The following DBNDD1 variants were observed in gnomAD, a reference collection of about 807,000 sequenced individuals.
DBNDD1 encodes the protein dysbindin domain-containing protein 1.
DBNDD1 carries 14 observed loss-of-function variants against 17.0 expected under a neutral mutation model. The observed-to-expected ratio is 0.82, with a 90% confidence interval of 0.54 to 1.29. The LOEUF is 1.29. DBNDD1 is among the 50% of genes most tolerant of loss of function. DBNDD1 has a pLI of 0.00. For missense variants in DBNDD1, 221 were observed against 216.2 expected, an observed-to-expected ratio of 1.02 and a Z score of -0.14; for synonymous variants, 105 against 102.0, an observed-to-expected ratio of 1.03 and a Z score of -0.18.
At chr16:90,006,541 G>T (rs747054110) in intron 3 of DBNDD1, 49 bp from the exon 4 acceptor site, 25 of 1,574,736 alleles carry the variant, frequency 1.6e-5, no homozygotes, top group Non-Finnish European at 2.1e-5. Flanking sequence ...AGGCCTGGGT[G>T]GATGCTGCGG....
intron 1 of DBNDD1, among the ~76,000 whole-genome samples, chr16:90,014,520 A>G (rs113885554): frequency 0.011 from 1,612 of 152,286 alleles, 34 homozygotes; most frequent in African/African-American, 0.037. Context: ...GGAGGTCCCA[A>G]GCAGGACCTC....
rs1323815632 is a variant in DBNDD1, at chr16:90,006,601, C to G, written c.320-109G>C. 3 of 1,379,596 alleles carry G rather than the reference C, an allele frequency of 2.2e-6. No individual in the cohort carries two copies. The African/African-American group carries it at 4.3e-5, about 20-fold the overall frequency. The allele number at this position is 1,379,596 out of a possible 1,614,324, so 85.5% of individuals were successfully genotyped here. The stretch of plus-strand genomic sequence containing the variant: ...GCGCCACTCCTGCCAATGCTCTGCA[C>G]CAGCCCCCTGCACCAGGCATGCACA... On this transcript the variant is annotated intron_variant, in intron 3 of 3. Transcript: ENST00000002501.
chr16:90,019,230 G>A lies in DBNDD1; in HGVS notation c.31+81C>T. On this transcript the variant is annotated intron_variant, in intron 1 of 3. Transcript: ENST00000002501. This position sits in a 1 kb window ranked among gnomAD's most constrained non-coding sequence, Gnocchi z 6.1. Reference sequence around the variant, plus strand: ...CTTCGCGACTCCCGGGAGCGGCGAAGGGTGAGCCCTGGGGGGAGGGGCTGC... The same window carrying A: ...CTTCGCGACTCCCGGGAGCGGCGAAAGGTGAGCCCTGGGGGGAGGGGCTGC... 1.4e-6 allele frequency: 1 copy of A among 717,876 alleles called. No homozygotes were observed. 44.5% of individuals were successfully genotyped at this position (717,876 alleles called of 1,614,324 possible).
At position 90,005,978 on chromosome 16, in the gene DBNDD1, C is replaced by G; in HGVS notation, c.*357G>C. On this transcript the variant is annotated 3_prime_UTR_variant, in exon 4 of 4. Coordinates refer to ENST00000002501, the MANE Select transcript of DBNDD1 (RefSeq NM_001042610.3). The stretch of plus-strand genomic sequence containing the variant: ...CACCCCAAGGCCGCCGTGGGCCACT[C>G]CATTCCTCAGCACGTTCCTGGCAGT... The G allele has an allele frequency of 4.6e-6, 1 of 215,362 alleles. No homozygotes were observed. The highest frequency in any genetic ancestry group is 9.7e-6 in the Non-Finnish European group (1 of 103,212). 13.3% of individuals were successfully genotyped at this position (215,362 alleles called of 1,614,324 possible). A position where few individuals can be genotyped will look rare whatever the true frequency, so the allele number is the denominator to read the frequency against.
At chr16:90,012,464 C>CTT (rs113580185) in intron 1 of DBNDD1, among the ~76,000 whole-genome samples, 2 of 145,578 alleles carry the variant, frequency 1.4e-5, no homozygotes, top group East Asian at 3.9e-4. Context: ...TCTCCTCTCT[C>CTT]TTTTTTTTTT....
chr16:90,011,736 C>G (rs900168610), intron 1 of DBNDD1: 1 of 448,410 alleles, frequency 2.2e-6, no homozygotes, highest in Admixed American at 2.4e-5. Flanking sequence ...GGTCAAGTTA[C>G]TGGTGTCCTG....
At chr16:90,008,962 C>G in intron 2 of DBNDD1, 38 bp from the exon 3 acceptor site, 1 of 1,516,090 alleles carries the variant, frequency 6.6e-7, no homozygotes, top group Non-Finnish European at 8.9e-7. Flanking sequence ...CTCAGGCCCT[C>G]CCACAAGGCT....
chr16:90,006,388 G>A lies in DBNDD1; in HGVS notation c.424C>T (p.Gln142Ter), dbSNP rs1432857002. ...EKQPLGDPER[Q>*]ATVLDTFLTV... ...AGAAACGTGTCCAGGACTGTGGCCT[G>A]CCGCTCGGGGTCGCCTAGGGGCTGC... Residue 142 changes from glutamine (Q) to a stop codon, truncating the protein, a stop_gained, in exon 4 of 4, where the codon CAG (glutamine) becomes TAG (stop). Coordinates refer to ENST00000002501, the MANE Select transcript of DBNDD1 (RefSeq NM_001042610.3). LOFTEE classifies it high-confidence loss of function. The A allele has an allele frequency of 6.2e-7, 1 of 1,607,870 alleles. No homozygotes were observed. Among genetic ancestry groups the A allele is most frequent in the Non-Finnish European group, 8.5e-7 (1 of 1,179,706 alleles).
At chr16:90,014,134 TA>T (rs202122238) in intron 1 of DBNDD1, among the ~76,000 whole-genome samples, 167 of 149,350 alleles carry the variant, frequency 1.1e-3, no homozygotes, top group Admixed American at 1.6e-3. Flanking sequence ...TTATTATTAT[TA>T]TTTTTTTTTT....
rs573330736 is a variant in DBNDD1, at chr16:90,013,930, C to CG, written c.32-4501dup. Among the ~76,000 whole-genome samples, 193 of 107,924 alleles carry CG rather than the reference C, an allele frequency of 1.8e-3. 1 individual carries two copies. The highest frequency in any genetic ancestry group is 6.6e-3 in the African/African-American group (151 of 22,910). 70.8% of individuals were successfully genotyped at this position (107,924 alleles called of 152,430 possible). ...GGGAGCCGTGTGATACTGGGTGGGG[C>CG]GGGGGGGGACATGCATAAAGGCCTG... On this transcript the variant is annotated intron_variant, in intron 1 of 3. Coordinates refer to ENST00000002501, the MANE Select transcript of DBNDD1 (RefSeq NM_001042610.3).
At chr16:90,010,940 C>A (rs980821216) in intron 1 of DBNDD1, among the ~76,000 whole-genome samples, 6 of 152,242 alleles carry the variant, frequency 3.9e-5, no homozygotes, top group Admixed American at 1.3e-4. Context: ...TTCCTTCCCC[C>A]CACCCATTGC....
chr16:90,014,718 C>T (rs2035610565), intron 1 of DBNDD1, among the ~76,000 whole-genome samples: 1 of 152,054 alleles, frequency 6.6e-6, no homozygotes, highest in Non-Finnish European at 1.5e-5. Flanking sequence ...AAGAAGTATC[C>T]TTTCGGCCGG....
intron 1 of DBNDD1, among the ~76,000 whole-genome samples, chr16:90,010,366 CCTTT>C (rs1464030026): frequency 7.1e-6 from 1 of 141,386 alleles, no homozygotes; most frequent in Non-Finnish European, 1.5e-5. Context: ...AACGTAACTA[CCTTT>C]TTTTTTTTTT....
intron 1 of DBNDD1, among the ~76,000 whole-genome samples, chr16:90,010,937 C>CT (rs2035543659): frequency 6.6e-6 from 1 of 152,228 alleles, no homozygotes; most frequent in African/African-American, 2.4e-5. Flanking sequence ...GGCTTCCTTC[C>CT]CCCCACCCAT....
chr16:90,015,980 G>A (rs1345041033), intron 1 of DBNDD1, among the ~76,000 whole-genome samples: 1 of 152,178 alleles, frequency 6.6e-6, no homozygotes, highest in Non-Finnish European at 1.5e-5. Flanking sequence ...CACTTTAAAA[G>A]GGTGAACTTT....
intron 3 of DBNDD1, chr16:90,007,723 C>G (rs777070325): frequency 6.6e-6 from 1 of 152,316 alleles, no homozygotes; most frequent in African/African-American, 2.4e-5. Context: ...TTTGAGGGGA[C>G]AGTGGCTTTA....
intron 1 of DBNDD1, among the ~76,000 whole-genome samples, chr16:90,018,993 G>A (rs1277326965): frequency 6.6e-6 from 1 of 152,064 alleles, no homozygotes; most frequent in Non-Finnish European, 1.5e-5. Context: ...CCCCTCCCCC[G>A]CTCCCCGGGT....
chr16:90,009,814 G>A (rs1303911475), intron 1 of DBNDD1: 24 of 832,952 alleles, frequency 2.9e-5, no homozygotes, highest in Non-Finnish European at 4.1e-5. Context: ...CTGAAGGATC[G>A]CCCATGGATT....
At chr16:90,014,115 T>A (rs1448955116) in intron 1 of DBNDD1, among the ~76,000 whole-genome samples, 1 of 151,988 alleles carries the variant, frequency 6.6e-6, no homozygotes, top group East Asian at 1.9e-4. Context: ...TACCTGAATT[T>A]TTAAATTATT....
Sources: allele counts gnomAD v4.1 joint callset (sites outside exome capture counted in the v4.1 genomes callset), GRCh38; gene constraint gnomAD v4.1.1; non-coding constraint Gnocchi (gnomAD v3.1); transcripts MANE v1.5; gene names NCBI Gene and HGNC (gene_info 2026-07-23, HGNC 2026-07-21).